SF3B3: variants seen among roughly 807,000 people sequenced by gnomAD.
SF3B3 encodes splicing factor 3b subunit 3, also known as SAP 130.
Under a neutral mutation model 139.2 loss-of-function variants are expected in SF3B3, and 33 were observed. That is an observed-to-expected ratio of 0.24 (90% CI 0.18 to 0.32). SF3B3 has a LOEUF of 0.32. Ranked by LOEUF, SF3B3 falls within the 10% of genes least tolerant of loss-of-function variation. The pLI is 1.00. For synonymous variants in SF3B3, 596 were observed against 563.6 expected (o/e 1.06, Z -0.81); for missense variants, 818 against 1,509.4 (o/e 0.54, Z 7.59).
At chr16:70,565,642 C>T in intron 20 of SF3B3, 118 bp downstream of exon 20, 1 of 913,636 alleles carries the variant, frequency 1.1e-6, no homozygotes. Context: ...CTCTCTCTTA[C>T]CAGCACATGG....
intron 10 of SF3B3, among the ~76,000 whole-genome samples, chr16:70,545,352 C>A (rs552050772): frequency 6.6e-6 from 1 of 152,228 alleles, no homozygotes; most frequent in East Asian, 1.9e-4. Context: ...CAGCCGTGAG[C>A]CACCGCACCT....
At chr16:70,559,803 A>G (rs1368924983) in intron 15 of SF3B3, among the ~76,000 whole-genome samples, 4 of 150,724 alleles carry the variant, frequency 2.7e-5, no homozygotes, top group African/African-American at 9.8e-5. Context: ...GAGTCTCGCT[A>G]TGTTGGCCAG....
chr16:70,561,724 C>T lies in SF3B3; in HGVS notation c.2228C>T (p.Ser743Leu), dbSNP rs1221785187. 1 of 1,613,944 alleles carries T rather than the reference C, an allele frequency of 6.2e-7. No homozygotes were observed. The highest frequency in any genetic ancestry group is 8.5e-7 in the Non-Finnish European group (1 of 1,179,914). ...PLSYETLEFA[S>L]GFASEQCPEG... ...TCTTACGAGACACTGGAATTTGCAT[C>T]GGGTTTTGCCTCGGAACAGTGTCCC... The change falls in exon 17 of 26, where the codon TCG becomes TTG. Residue 743 changes from serine to leucine, a missense_variant. Physicochemically the swap from Ser to Leu is moderately radical, Grantham distance 145. Coordinates refer to ENST00000302516, the MANE Select transcript of SF3B3 (RefSeq NM_012426.5).
chr16:70,554,970 A>G (rs568694838), intron 12 of SF3B3, 81 bp from the exon 13 acceptor site: 7 of 1,365,796 alleles, frequency 5.1e-6, no homozygotes, highest in Non-Finnish European at 7.1e-6. Flanking sequence ...GATTTTAGTG[A>G]CAGATCTGAT....
At chr16:70,553,109 A>G (rs1457313133) in intron 11 of SF3B3, among the ~76,000 whole-genome samples, 1 of 152,084 alleles carries the variant, frequency 6.6e-6, no homozygotes, top group Non-Finnish European at 1.5e-5. Context: ...TTTAGTAGAG[A>G]TGGGGTTTCA....
chr16:70,559,039 T>A (rs1225212068), intron 15 of SF3B3, among the ~76,000 whole-genome samples: 2 of 152,200 alleles, frequency 1.3e-5, no homozygotes, highest in Admixed American at 1.3e-4. Flanking sequence ...TTACTCCTGT[T>A]GCATCACGTC....
At chr16:70,528,463 C>CT (rs2151773975) in intron 2 of SF3B3, among the ~76,000 whole-genome samples, 1 of 114,026 alleles carries the variant, frequency 8.8e-6, no homozygotes, top group Admixed American at 9.0e-5. Context: ...CTGTGCGTGG[C>CT]CTTTTTTTTT....
At chr16:70,551,039 G>C (rs1010786463) in intron 11 of SF3B3, among the ~76,000 whole-genome samples, 2 of 152,222 alleles carry the variant, frequency 1.3e-5, no homozygotes, top group Non-Finnish European at 2.9e-5. Flanking sequence ...TTCAGGACTT[G>C]CTGAAGCAAG....
chr16:70,527,879 G>C (rs1271365441), intron 2 of SF3B3, among the ~76,000 whole-genome samples: 1 of 152,146 alleles, frequency 6.6e-6, no homozygotes, highest in South Asian at 2.1e-4. Flanking sequence ...GGGTTCAAGC[G>C]ATTCTCCTGC....
At chr16:70,527,515 G>A (rs1176697440) in intron 2 of SF3B3, among the ~76,000 whole-genome samples, 1 of 152,188 alleles carries the variant, frequency 6.6e-6, no homozygotes, top group Non-Finnish European at 1.5e-5. Flanking sequence ...CAGCCTAACT[G>A]ACCACACAGC....
Position 70,565,520 on chromosome 16 carries a change from A to G in SF3B3, c.2822A>G (p.His941Arg), listed in dbSNP as rs1411045735. 1 of 1,613,490 alleles carries G rather than the reference A, an allele frequency of 6.2e-7. No homozygotes were observed. The change falls in exon 20 of 26, where the codon CAC (histidine) becomes CGC (arginine). Residue 941 changes from histidine to arginine, a missense_variant. Physicochemically the swap from His to Arg is conservative, Grantham distance 29. Around this residue, in one of 14 missense-constraint regions of SF3B3, gnomAD observed 145 missense variants for 153.6 expected, o/e 0.94. Transcript: ENST00000302516. ...AATGGGGAAAAACTGGAGTTTTTGC[A>G]CAAGGTAGGAATCTGCCAGTGGTTC... ...VNNGEKLEFLHKTPVEEVPAA... is the reference protein window; with the variant it reads ...VNNGEKLEFLRKTPVEEVPAA...
In SF3B3 at chr16:70,555,864, AC is replaced by A. The variant is rs1005410081; in HGVS notation, c.1711-314del. Among the ~76,000 whole-genome samples the A allele has an allele frequency of 6.4e-4, 98 of 152,312 alleles. 1 individual carries two copies. Among genetic ancestry groups the A allele is most frequent in the African/African-American group, 2.3e-3 (94 of 41,552 alleles). ...CCCAGAATATTCTTGTAAAACACAG[AC>A]AGTTTTATATGTCTCCATTTCCTGA... On this transcript the variant is annotated intron_variant, in intron 13 of 25. Transcript: ENST00000302516.
chr16:70,553,375 C>T (rs1335584194), intron 11 of SF3B3, among the ~76,000 whole-genome samples: 1 of 152,138 alleles, frequency 6.6e-6, no homozygotes, highest in East Asian at 1.9e-4. Flanking sequence ...AGCCCTGTGG[C>T]ATTGAGCTCT....
intron 8 of SF3B3, among the ~76,000 whole-genome samples, chr16:70,539,995 C>T (rs1051099560): frequency 3.3e-5 from 5 of 150,314 alleles, no homozygotes; most frequent in South Asian, 4.3e-4. Context: ...AGGCTGGTCT[C>T]GAACTTCCGA....
In SF3B3 at chr16:70,564,919, T is replaced by A. The variant is rs1231460003; in HGVS notation, c.2464-146T>A. On this transcript the variant is annotated intron_variant, in intron 18 of 25. Transcript: ENST00000302516. The stretch of plus-strand genomic sequence containing the variant: ...GTCTGTACACCTCTCCCTTTAATAG[T>A]CATGTCGGGAAATCCTGGCTGGGAT... The A allele has an allele frequency of 4.3e-6, 3 of 693,290 alleles. No homozygotes were observed. The African/African-American group carries it at 5.3e-5, about 12-fold the overall frequency. The allele number at this position is 693,290 out of a possible 1,614,324, so 42.9% of individuals were successfully genotyped here.
At chr16:70,569,016 A>G in intron 22 of SF3B3, 27 bp from the exon 23 acceptor site, 1 of 1,546,358 alleles carries the variant, frequency 6.5e-7, no homozygotes, top group African/African-American at 1.4e-5. Context: ...GGGCCCCAGC[A>G]GTGTGACTTG....
At chr16:70,565,688 T>C in intron 20 of SF3B3, 164 bp downstream of exon 20, 1 of 635,602 alleles carries the variant, frequency 1.6e-6, no homozygotes, top group South Asian at 2.0e-5. Flanking sequence ...GTGATGTTCT[T>C]GTGCCTGTGC....
At position 70,555,293 on chromosome 16, in the gene SF3B3, T is replaced by C. The variant is rs970448152; in HGVS notation, c.1710+87T>C. On this transcript the variant is annotated intron_variant, in intron 13 of 25. Coordinates refer to ENST00000302516, the MANE Select transcript of SF3B3 (RefSeq NM_012426.5). ...TGTAGTCTAGTCATTTAGATGATAGTATGGTGAAATCCTGTCTCTACTAAA... is the reference window on the plus strand; with the variant it reads ...TGTAGTCTAGTCATTTAGATGATAGCATGGTGAAATCCTGTCTCTACTAAA... The C allele has an allele frequency of 2.4e-6, 3 of 1,254,190 alleles. No individual in the cohort carries two copies. In the African/African-American group the frequency reaches 4.5e-5, roughly 19 times the overall value. 77.7% of individuals were successfully genotyped at this position (1,254,190 alleles called of 1,614,324 possible).
At chr16:70,571,043 T>C in intron 24 of SF3B3, 52 bp from the exon 25 acceptor site, 1 of 1,235,380 alleles carries the variant, frequency 8.1e-7, no homozygotes, top group South Asian at 1.2e-5. Context: ...GTGGAAACTC[T>C]AGACTAGTTG....
Sources: allele counts gnomAD v4.1 joint callset (sites outside exome capture counted in the v4.1 genomes callset), GRCh38; gene constraint gnomAD v4.1.1; regional missense constraint gnomAD v4.1.1; transcripts MANE v1.5; gene names NCBI Gene and HGNC (gene_info 2026-07-23, HGNC 2026-07-21).